Variants in ZNF429 observed in about 807,000 individuals in gnomAD.
ZNF429 encodes the protein zinc finger protein 429.
ZNF429 carries 53 observed loss-of-function variants against 56.8 expected under a neutral mutation model. That is an observed-to-expected ratio of 0.93 (90% CI 0.75 to 1.17). The LOEUF (loss-of-function observed/expected upper bound fraction) is 1.17. Among genes scored for constraint, ZNF429 ranks in the 50% most tolerant of loss-of-function variants. The pLI, the probability that ZNF429 is intolerant of heterozygous loss-of-function variation, is 0.00. For synonymous variants in ZNF429, 278 were observed against 264.7 expected (o/e 1.05, Z -0.49); for missense variants, 849 against 788.4 (o/e 1.08, Z -0.92).
chr19:21,515,259 T>C (rs2032685252), intron 1 of ZNF429, among the ~76,000 whole-genome samples: 1 of 148,748 alleles, frequency 6.7e-6, no homozygotes, highest in Non-Finnish European at 1.5e-5. Context: ...TTTTTTTTTT[T>C]ACTTTTTTAT....
intron 1 of ZNF429, among the ~76,000 whole-genome samples, chr19:21,528,377 T>TA (rs922324395): frequency 2.6e-5 from 4 of 152,052 alleles, no homozygotes; most frequent in African/African-American, 7.2e-5. Context: ...TCTAGAGTGC[T>TA]AAAAAAAGAC....
intron 1 of ZNF429, among the ~76,000 whole-genome samples, chr19:21,517,034 A>G (rs200793900): frequency 5.3e-4 from 76 of 142,312 alleles, no homozygotes; most frequent in Middle Eastern, 3.5e-3. Context: ...TTTTAAGAAG[A>G]AATGCTTCCA....
Position 21,529,803 on chromosome 19 carries a change from C to A in ZNF429, c.130+19C>A. ...TTCCTGGGTGAGAATAACTTCAATACAACATTCCTAATATACCCTAAATGT... is the reference window on the plus strand; with the variant it reads ...TTCCTGGGTGAGAATAACTTCAATAAAACATTCCTAATATACCCTAAATGT... On this transcript the variant is annotated intron_variant, in intron 2 of 3. Transcript: ENST00000358491. 1 of 1,451,780 alleles carries A rather than the reference C, an allele frequency of 6.9e-7. No homozygotes were observed. Among genetic ancestry groups the A allele is most frequent in the Non-Finnish European group, 9.4e-7 (1 of 1,065,436 alleles). The allele number at this position is 1,451,780 out of a possible 1,614,324, so 89.9% of individuals were successfully genotyped here.
intron 1 of ZNF429, among the ~76,000 whole-genome samples, chr19:21,513,267 C>G (rs1273463457): frequency 6.6e-6 from 1 of 152,142 alleles, no homozygotes; most frequent in African/African-American, 2.4e-5. Flanking sequence ...CTCGGATTAT[C>G]CACGTGCTTT....
chr19:21,530,510 C>A, intron 2 of ZNF429, 79 bp from the exon 3 acceptor site: 1 of 889,794 alleles, frequency 1.1e-6, no homozygotes, highest in Non-Finnish European at 1.6e-6. Context: ...TATATTACAT[C>A]CTCTTTACTG....
chr19:21,530,511 C>T, intron 2 of ZNF429, 78 bp from the exon 3 acceptor site: 5 of 909,316 alleles, frequency 5.5e-6, no homozygotes, highest in South Asian at 2.4e-5. Flanking sequence ...ATATTACATC[C>T]TCTTTACTGA....
At position 21,511,572 on chromosome 19, in the gene ZNF429, A is replaced by G. The variant is rs146285397; in HGVS notation, c.3+5798A>G. On this transcript the variant is annotated intron_variant, in intron 1 of 3. Transcript: ENST00000358491. ...CCTAGATGGGATGGCGGCTGGACAG[A>G]GACGCTCCTCACTTTCCAGACTGGG... is the stretch of plus-strand genomic sequence containing the variant. Among the ~76,000 whole-genome samples the G allele has an allele frequency of 5.0e-3, 757 of 150,174 alleles. 5 individuals are homozygous for G. The highest frequency in any genetic ancestry group is 8.7e-3 in the Non-Finnish European group (592 of 67,708).
At chr19:21,522,108 T>G (rs2145445320) in intron 1 of ZNF429, among the ~76,000 whole-genome samples, 1 of 152,334 alleles carries the variant, frequency 6.6e-6, no homozygotes, top group Non-Finnish European at 1.5e-5. Context: ...CTTTAAAATG[T>G]AAATAGCCAA....
At chr19:21,526,748 T>G (rs1307952203) in intron 1 of ZNF429, among the ~76,000 whole-genome samples, 1 of 152,204 alleles carries the variant, frequency 6.6e-6, no homozygotes, top group Non-Finnish European at 1.5e-5. Context: ...AATAAATAAT[T>G]TCTGACAGAC....
intron 1 of ZNF429, among the ~76,000 whole-genome samples, chr19:21,511,748 C>G (rs544531245): frequency 3.3e-5 from 5 of 152,090 alleles, no homozygotes; most frequent in South Asian, 2.1e-4. Context: ...GAGGTTGTAG[C>G]GAGCCGAGAT....
chr19:21,535,465 TTTCTTTCTTTCTTTC>T, intron 3 of ZNF429, among the ~76,000 whole-genome samples: 6 of 98,616 alleles, frequency 6.1e-5, no homozygotes, highest in African/African-American at 1.8e-4. Context: ...TCTTTCTTTC[TTTCTTTCTTTCTTTC>T]TTTCTTTCTT....
At chr19:21,535,349 C>T in intron 3 of ZNF429, among the ~76,000 whole-genome samples, 723 of 59,682 alleles carry the variant, frequency 0.012, 53 homozygotes, top group African/African-American at 0.024. Context: ...CTTTCCTTTC[C>T]TTTCTTTTCT....
chr19:21,514,051 C>G (rs2032625160), intron 1 of ZNF429, among the ~76,000 whole-genome samples: 1 of 152,196 alleles, frequency 6.6e-6, no homozygotes, highest in African/African-American at 2.4e-5. Flanking sequence ...ACTTAGGGTT[C>G]TGGGCCACCT....
intron 3 of ZNF429, among the ~76,000 whole-genome samples, chr19:21,535,330 T>TTTCTTTCTTTC: frequency 2.6e-5 from 2 of 78,332 alleles, no homozygotes; most frequent in Non-Finnish European, 5.2e-5. Context: ...TTTCTTTCTC[T>TTTCTTTCTTTC]TTTCTTTTCT....
chr19:21,524,638 T>C (rs899856038), intron 1 of ZNF429, among the ~76,000 whole-genome samples: 1 of 152,140 alleles, frequency 6.6e-6, no homozygotes, highest in African/African-American at 2.4e-5. Flanking sequence ...CCAGGGCAGT[T>C]CCATTTTCTA....
intron 1 of ZNF429, among the ~76,000 whole-genome samples, chr19:21,527,732 T>A (rs2033220713): frequency 6.6e-6 from 1 of 152,180 alleles, no homozygotes; most frequent in Admixed American, 6.5e-5. Context: ...TTCTTCTGCC[T>A]GTGGGTGTGG....
At chr19:21,514,154 T>C (rs111932323) in intron 1 of ZNF429, among the ~76,000 whole-genome samples, 15 of 152,192 alleles carry the variant, frequency 9.9e-5, no homozygotes, top group Non-Finnish European at 1.8e-4. Flanking sequence ...TCTTTTCACC[T>C]ACATAGTACT....
chr19:21,510,963 G>T (rs1248905928), intron 1 of ZNF429, among the ~76,000 whole-genome samples: 1 of 151,924 alleles, frequency 6.6e-6, no homozygotes, highest in East Asian at 1.9e-4. Context: ...AAAATGAAAA[G>T]TCTCCCATGT....
At chr19:21,513,007 A>T (rs2032572976) in intron 1 of ZNF429, among the ~76,000 whole-genome samples, 1 of 151,596 alleles carries the variant, frequency 6.6e-6, no homozygotes, top group Non-Finnish European at 1.5e-5. Context: ...AGTAGCTGGG[A>T]CTACAGGCGC....
Sources: gnomAD v4.1 joint callset for allele counts (sites outside exome capture counted in the v4.1 genomes callset) on GRCh38, gnomAD v4.1.1 for gene constraint, MANE v1.5 for transcripts, NCBI Gene and HGNC (gene_info 2026-07-23, HGNC 2026-07-21) for gene names.